The following SLC24A2 variants were observed in gnomAD, a reference collection of about 807,000 sequenced individuals.
The protein encoded by SLC24A2 is sodium/potassium/calcium exchanger 2.
In SLC24A2, 36 loss-of-function variants were observed where a neutral mutation model predicts 62.0. That is an observed-to-expected ratio of 0.58 (90% CI 0.44 to 0.77). SLC24A2 has a LOEUF of 0.77. Among genes scored for constraint, SLC24A2 ranks in the 30% least tolerant of loss-of-function variants. The probability of loss-of-function intolerance (pLI) is 0.00; values close to 1 mark genes in which losing one functional copy is unlikely to be tolerated. For synonymous variants in SLC24A2, 358 were observed against 294.0 expected, an observed-to-expected ratio of 1.22 and a Z score of -2.23; for missense variants, 846 against 817.9, an observed-to-expected ratio of 1.03 and a Z score of -0.42.
chr9:19,754,816 TG>T (rs1587272812), intron 2 of SLC24A2, among the ~76,000 whole-genome samples: 1 of 152,110 alleles, frequency 6.6e-6, no homozygotes, highest in East Asian at 1.9e-4. Context: ...ATTCCTCTCC[TG>T]CTCGACAGGC....
chr9:19,870,210 C>A, the SLC24A2 span, among the ~76,000 whole-genome samples: 18 of 152,218 alleles, frequency 1.2e-4, no homozygotes, highest in East Asian at 3.3e-3. Context: ...TTTCTGGAAG[C>A]TACCAGTCCA....
At chr9:19,970,068 G>C in the SLC24A2 span, among the ~76,000 whole-genome samples, 13 of 152,108 alleles carry the variant, frequency 8.5e-5, no homozygotes, top group South Asian at 2.1e-4. Flanking sequence ...CAAATAATGG[G>C]CTGAGAGCAA....
At chr9:20,271,424 G>C in the SLC24A2 span, among the ~76,000 whole-genome samples, 8 of 152,134 alleles carry the variant, frequency 5.3e-5, no homozygotes, top group Non-Finnish European at 1.0e-4. Context: ...AGTGGGTTTT[G>C]CCAGATATAT....
chr9:19,910,125 C>A, the SLC24A2 span, among the ~76,000 whole-genome samples: 79 of 152,180 alleles, frequency 5.2e-4, 3 homozygotes, highest in African/African-American at 1.8e-3. Context: ...TAGCTACCAT[C>A]CAATCTTATT....
the SLC24A2 span, among the ~76,000 whole-genome samples, chr9:19,881,074 T>C: frequency 1.3e-5 from 2 of 152,166 alleles, no homozygotes; most frequent in Non-Finnish European, 2.9e-5. Flanking sequence ...GATTAGTATA[T>C]GTCATATACT....
At chr9:20,303,295 T>A in the SLC24A2 span, among the ~76,000 whole-genome samples, 16 of 152,154 alleles carry the variant, frequency 1.1e-4, no homozygotes, top group Non-Finnish European at 2.4e-4. Flanking sequence ...CCTGAGTGAA[T>A]TGGGAGGGAA....
At chr9:19,709,851 GTAAC>G (rs1384109087) in intron 2 of SLC24A2, among the ~76,000 whole-genome samples, 2 of 151,684 alleles carry the variant, frequency 1.3e-5, no homozygotes, top group Non-Finnish European at 2.9e-5. Flanking sequence ...GTATACATAT[GTAAC>G]TAACCTGCAC....
At chr9:19,683,942 G>A (rs1054530339) in intron 2 of SLC24A2, among the ~76,000 whole-genome samples, 4 of 152,012 alleles carry the variant, frequency 2.6e-5, no homozygotes, top group African/African-American at 9.7e-5. Flanking sequence ...CTCCCCTCCT[G>A]GGGAGTAGCC....
chr9:19,874,634 A>T, the SLC24A2 span, among the ~76,000 whole-genome samples: 691 of 152,304 alleles, frequency 4.5e-3, 7 homozygotes, highest in African/African-American at 0.016. Context: ...TGGCATCCAC[A>T]TCTCTCTTTG....
chr9:19,917,444 TTTGGATTG>T, the SLC24A2 span, among the ~76,000 whole-genome samples: 1 of 151,530 alleles, frequency 6.6e-6, no homozygotes, highest in African/African-American at 2.4e-5. Flanking sequence ...CTCACTGAGA[TTTGGATTG>T]AGATGACATT....
intron 5 of SLC24A2, among the ~76,000 whole-genome samples, chr9:19,593,491 G>T (rs948323905): frequency 2.6e-5 from 4 of 152,122 alleles, no homozygotes; most frequent in African/African-American, 9.7e-5. Context: ...AGGGCAAGGA[G>T]AAACTTTTCA....
At chr9:20,249,098 T>C in the SLC24A2 span, among the ~76,000 whole-genome samples, 1 of 152,200 alleles carries the variant, frequency 6.6e-6, no homozygotes, top group Non-Finnish European at 1.5e-5. Context: ...GTCACACAAG[T>C]TGTGTGACTT....
chr9:20,060,664 G>A, the SLC24A2 span, among the ~76,000 whole-genome samples: 1 of 152,090 alleles, frequency 6.6e-6, no homozygotes, highest in African/African-American at 2.4e-5. Flanking sequence ...GTTAAAGGGT[G>A]TCCATGAAAA....
At chr9:19,794,709 A>G in the SLC24A2 span, among the ~76,000 whole-genome samples, 11 of 152,162 alleles carry the variant, frequency 7.2e-5, no homozygotes, top group Admixed American at 2.0e-4. Context: ...CGATGCCAGC[A>G]GGGACTTCCT....
At chr9:20,178,410 T>C in the SLC24A2 span, among the ~76,000 whole-genome samples, 1 of 152,166 alleles carries the variant, frequency 6.6e-6, no homozygotes, top group African/African-American at 2.4e-5. Flanking sequence ...AAGGGTACAC[T>C]GTCACTACAG....
At chr9:20,014,402 G>T in the SLC24A2 span, among the ~76,000 whole-genome samples, 16 of 151,770 alleles carry the variant, frequency 1.1e-4, 1 homozygote, top group African/African-American at 3.6e-4. Context: ...AATGAGATCA[G>T]TATGTTGAAG....
At chr9:19,826,369 A>G in the SLC24A2 span, among the ~76,000 whole-genome samples, 1 of 152,112 alleles carries the variant, frequency 6.6e-6, no homozygotes, top group Non-Finnish European at 1.5e-5. Flanking sequence ...AAGAGGGAGG[A>G]GTCCCATTCA....
chr9:19,741,864 A>C (rs1821690620), intron 2 of SLC24A2, among the ~76,000 whole-genome samples: 2 of 152,248 alleles, frequency 1.3e-5, no homozygotes, highest in South Asian at 4.1e-4. Context: ...TAAGCAGAAC[A>C]GCAATTTCAA....
chr9:19,771,355 C>T lies in SLC24A2; in HGVS notation c.930+14582G>A, dbSNP rs190312957. ...GTGTGTGACTTGCAGAGCATTAACA[C>T]GCCAAAACATATGTTTCCTAAGCCT... On this transcript the variant is annotated intron_variant, in intron 2 of 10. Coordinates refer to ENST00000341998, the MANE Select transcript of SLC24A2 (RefSeq NM_020344.4). Among the ~76,000 whole-genome samples the T allele has an allele frequency of 1.7e-3, 263 of 152,300 alleles. 5 individuals carry two copies. Among genetic ancestry groups the T allele is most frequent in the Admixed American group, 0.014 (215 of 15,286 alleles).
Sources: allele counts gnomAD v4.1 joint callset (sites outside exome capture counted in the v4.1 genomes callset), GRCh38; gene constraint gnomAD v4.1.1; transcripts MANE v1.5; gene names NCBI Gene and HGNC (gene_info 2026-07-23, HGNC 2026-07-21).